Variants in SEMA6D observed in about 807,000 individuals in gnomAD.
SEMA6D encodes semaphorin 6D.
In SEMA6D, 35 loss-of-function variants were observed where a neutral mutation model predicts 106.6. The ratio of observed to expected loss-of-function variants is 0.33; its 90% CI spans 0.25 to 0.44. SEMA6D has a LOEUF of 0.44. Ranked by LOEUF, SEMA6D falls within the 20% of genes least tolerant of loss-of-function variation. The pLI, the probability that SEMA6D is intolerant of heterozygous loss-of-function variation, is 1.00. For missense variants in SEMA6D, 1,185 were observed against 1,345.9 expected, an observed-to-expected ratio of 0.88 and a Z score of 1.87; for synonymous variants, 499 against 487.7, an observed-to-expected ratio of 1.02 and a Z score of -0.31.
chr15:47,407,502 C>G (rs982995178), intron 1 of SEMA6D, among the ~76,000 whole-genome samples: 3 of 150,248 alleles, frequency 2.0e-5, no homozygotes, highest in Non-Finnish European at 2.9e-5. Flanking sequence ...TTTGGAGGTA[C>G]TTAGGCTGTC....
chr15:47,687,081 A>AAAG (rs1555408718), intron 4 of SEMA6D, among the ~76,000 whole-genome samples: 5 of 151,760 alleles, frequency 3.3e-5, no homozygotes, highest in African/African-American at 9.7e-5. Flanking sequence ...AAAAAAAAAA[A>AAAG]AAGAAGTACT....
At chr15:47,687,448 TAAAA>T (rs146697297) in intron 4 of SEMA6D, among the ~76,000 whole-genome samples, 1 of 151,530 alleles carries the variant, frequency 6.6e-6, no homozygotes, top group Non-Finnish European at 1.5e-5. Flanking sequence ...GGCTGGAATC[TAAAA>T]AAAAGAAAGA....
intron 4 of SEMA6D, among the ~76,000 whole-genome samples, chr15:47,689,263 T>C (rs1033178370): frequency 6.6e-6 from 1 of 152,240 alleles, no homozygotes; most frequent in Non-Finnish European, 1.5e-5. Flanking sequence ...TTTATATGGA[T>C]AACTGGAATA....
At chr15:47,305,426 C>T (rs17358764) in intron 1 of SEMA6D, among the ~76,000 whole-genome samples, 63,623 of 152,112 alleles carry the variant, frequency 0.42, 16,260 homozygotes, top group Non-Finnish European at 0.56. Context: ...GTGAAAAAAG[C>T]CATGATCCCT....
At chr15:47,437,382 T>A (rs1323737576) in intron 2 of SEMA6D, among the ~76,000 whole-genome samples, 2 of 152,132 alleles carry the variant, frequency 1.3e-5, no homozygotes, top group East Asian at 3.9e-4. Context: ...AGTTTACTGT[T>A]AAATGAATGA....
At chr15:47,731,051 C>A (rs1050976191) in intron 1 of SEMA6D, 1 of 570,402 alleles carries the variant, frequency 1.8e-6, no homozygotes, top group Non-Finnish European at 3.1e-6. Flanking sequence ...CATGTAGCTA[C>A]CTGTGAAAAG....
In SEMA6D at chr15:47,768,471, G is replaced by T. The variant is rs1183895471; in HGVS notation, c.1766-110G>T. ...TCAGGCGTGTTTTTACAAAATCCTA[G>T]AGCAAACTTTCTCATAAAATTTACT... On this transcript the variant is annotated intron_variant, in intron 17 of 18. Transcript: ENST00000536845. 3.1e-6 allele frequency: 3 copies of T among 959,258 alleles called. No homozygotes were observed. The East Asian group carries it at 8.0e-5, about 26-fold the overall frequency. The allele number at this position is 959,258 out of a possible 1,614,324, so 59.4% of individuals were successfully genotyped here. A position where few individuals can be genotyped will look rare whatever the true frequency, so the allele number is the denominator to read the frequency against.
intron 1 of SEMA6D, among the ~76,000 whole-genome samples, chr15:47,248,047 C>T (rs1566949669): frequency 1.3e-5 from 2 of 152,024 alleles, no homozygotes; most frequent in Admixed American, 6.6e-5. Context: ...TGACATTACT[C>T]CAAAAAATTC....
intron 1 of SEMA6D, among the ~76,000 whole-genome samples, chr15:47,269,424 A>T (rs1284734259): frequency 6.6e-6 from 1 of 152,126 alleles, no homozygotes; most frequent in East Asian, 1.9e-4. Context: ...GCAGCTAAAC[A>T]TACTGATTTT....
At chr15:47,412,341 T>C (rs2040827314) in intron 1 of SEMA6D, 2 of 152,618 alleles carry the variant, frequency 1.3e-5, no homozygotes, top group Non-Finnish European at 2.9e-5. Flanking sequence ...AGGATTAGAA[T>C]AATCATCCAT....
At position 47,218,950 on chromosome 15, in the gene SEMA6D, C is replaced by T. The variant is rs79052798; in HGVS notation, c.-239+34532C>T. On this transcript the variant is annotated intron_variant, in intron 1 of 19. Coordinates refer to the SEMA6D transcript ENST00000558014. ...GATGCCAAACCCATGTTTCTTCTGTCGATTGCTAACTAATTGAGGTTTTCT... is the reference window on the plus strand; with the variant it reads ...GATGCCAAACCCATGTTTCTTCTGTTGATTGCTAACTAATTGAGGTTTTCT... 5.7e-3 allele frequency among the ~76,000 whole-genome samples: 861 copies of T among 152,230 alleles called. 5 individuals carry two copies. The highest frequency in any genetic ancestry group is 0.019 in the African/African-American group (807 of 41,546).
At chr15:47,550,299 A>G (rs2045645601) in intron 3 of SEMA6D, among the ~76,000 whole-genome samples, 1 of 152,176 alleles carries the variant, frequency 6.6e-6, no homozygotes, top group Non-Finnish European at 1.5e-5. Context: ...ATAAAACAAA[A>G]CTCAAATATT....
intron 3 of SEMA6D, among the ~76,000 whole-genome samples, chr15:47,589,368 C>T (rs2076398428): frequency 6.6e-6 from 1 of 152,252 alleles, no homozygotes; most frequent in Admixed American, 6.5e-5. Flanking sequence ...GGGGCAGAAA[C>T]AGTCTGGCTC....
intron 2 of SEMA6D, among the ~76,000 whole-genome samples, chr15:47,447,261 G>T (rs188495119): frequency 6.6e-6 from 1 of 152,192 alleles, no homozygotes; most frequent in East Asian, 1.9e-4. Flanking sequence ...GTAGTCTAAT[G>T]AGTTGACTGG....
chr15:47,567,861 A>G (rs1317338700), intron 3 of SEMA6D, among the ~76,000 whole-genome samples: 1 of 152,202 alleles, frequency 6.6e-6, no homozygotes, highest in Non-Finnish European at 1.5e-5. Flanking sequence ...GAATGAATGA[A>G]TGAAATCACT....
intron 1 of SEMA6D, among the ~76,000 whole-genome samples, chr15:47,213,852 A>G (rs896431680): frequency 3.3e-5 from 5 of 152,160 alleles, no homozygotes; most frequent in African/African-American, 7.2e-5. Flanking sequence ...TGCTATTGAT[A>G]AAGTGTCAAC....
At chr15:47,572,804 A>C (rs977782965) in intron 3 of SEMA6D, among the ~76,000 whole-genome samples, 1 of 152,238 alleles carries the variant, frequency 6.6e-6, no homozygotes, top group Non-Finnish European at 1.5e-5. Flanking sequence ...TATTCAAGCA[A>C]ATAAATCATT....
chr15:47,603,377 A>G (rs181977096), intron 4 of SEMA6D: 1 of 152,214 alleles, frequency 6.6e-6, no homozygotes, highest in African/African-American at 2.4e-5. Context: ...CCCTATAGGA[A>G]CTTCCAATCC....
intron 1 of SEMA6D, among the ~76,000 whole-genome samples, chr15:47,282,093 A>G (rs960789535): frequency 6.6e-6 from 1 of 152,100 alleles, no homozygotes; most frequent in Non-Finnish European, 1.5e-5. Context: ...TTAGTATCCT[A>G]CTCTCTAAAC....
Sources: gnomAD v4.1 joint callset for allele counts (sites outside exome capture counted in the v4.1 genomes callset) on GRCh38, gnomAD v4.1.1 for gene constraint, MANE v1.5 for transcripts, NCBI Gene and HGNC (gene_info 2026-07-23, HGNC 2026-07-21) for gene names.